Variants in CDK1 observed in about 807,000 individuals in gnomAD.
CDK1 encodes the protein cyclin dependent kinase 1.
CDK1 carries 5 observed loss-of-function variants against 34.6 expected under a neutral mutation model. That is an observed-to-expected ratio of 0.14 (90% CI 0.08 to 0.30). The LOEUF is 0.30. Among genes scored for constraint, CDK1 ranks in the 10% least tolerant of loss-of-function variants. The pLI, the probability that CDK1 is intolerant of heterozygous loss-of-function variation, is 1.00. For missense variants in CDK1, 157 were observed against 345.7 expected (o/e 0.45, Z 4.33); for synonymous variants, 108 against 114.7 (o/e 0.94, Z 0.37).
rs1428075929 is a variant in CDK1, at chr10:60,794,089, C to T, written c.*114C>T. The T allele has an allele frequency of 3.6e-6, 2 of 552,870 alleles. No individual in the cohort carries two copies. Among genetic ancestry groups the T allele is most frequent in the African/African-American group, 4.0e-5 (2 of 49,934 alleles). 34.2% of individuals were successfully genotyped at this position (552,870 alleles called of 1,614,324 possible). A position where few individuals can be genotyped will look rare whatever the true frequency, so the allele number is the denominator to read the frequency against. On this transcript the variant is annotated 3_prime_UTR_variant, in exon 8 of 8. Transcript: ENST00000395284. Reference sequence around the variant, plus strand: ...TCTTTGTTATCAAACTTCAGCTGTACTTCGTCTTCTAATTTCAAAAATATA... The same window carrying T: ...TCTTTGTTATCAAACTTCAGCTGTATTTCGTCTTCTAATTTCAAAAATATA...
chr10:60,785,239 T>G (rs995050462), intron 3 of CDK1, among the ~76,000 whole-genome samples: 1 of 152,180 alleles, frequency 6.6e-6, no homozygotes, highest in African/African-American at 2.4e-5. Context: ...TTTTTTTCCT[T>G]AAAGTATTTG....
At position 60,794,798 on chromosome 10, in the gene CDK1, A is replaced by G. The variant is rs2080387099; in HGVS notation, c.*823A>G. The G allele has an allele frequency of 3.9e-5, 6 of 152,182 alleles. No homozygotes were observed. 9.4% of individuals were successfully genotyped at this position (152,182 alleles called of 1,614,324 possible). A position where few individuals can be genotyped will look rare whatever the true frequency, so the allele number is the denominator to read the frequency against. On this transcript the variant is annotated 3_prime_UTR_variant, in exon 8 of 8. Transcript: ENST00000395284. ...ATTAGCAGCCATCTAAAAAGGCTCT[A>G]ATGTATATTTAACTAAAATTACTAG... is the stretch of plus-strand genomic sequence containing the variant.
intron 5 of CDK1, among the ~76,000 whole-genome samples, chr10:60,789,707 T>C (rs1461783397): frequency 6.6e-6 from 1 of 152,194 alleles, no homozygotes. Context: ...TCAATAAACA[T>C]GGGAGTGCAG....
At chr10:60,791,191 T>C (rs1413611079) in intron 5 of CDK1, among the ~76,000 whole-genome samples, 1 of 152,122 alleles carries the variant, frequency 6.6e-6, no homozygotes, top group East Asian at 1.9e-4. Flanking sequence ...TTCCTAAATT[T>C]TTTTCTTCAA....
At chr10:60,791,025 C>G (rs1437449093) in intron 5 of CDK1, among the ~76,000 whole-genome samples, 1 of 151,902 alleles carries the variant, frequency 6.6e-6, no homozygotes, top group Admixed American at 6.6e-5. Context: ...TTTTTTGGTT[C>G]TATATGAATT....
intron 2 of CDK1, among the ~76,000 whole-genome samples, chr10:60,784,372 G>A (rs1189859309): frequency 6.6e-6 from 1 of 152,160 alleles, no homozygotes; most frequent in Non-Finnish European, 1.5e-5. Context: ...GCTCACGCCT[G>A]TAATCTCAGC....
intron 1 of CDK1, 47 bp from the exon 2 acceptor site, chr10:60,780,094 A>C: frequency 2.3e-6 from 2 of 863,980 alleles, no homozygotes; most frequent in Non-Finnish European, 4.0e-6. Flanking sequence ...GCTTAAAACT[A>C]CTCGAGTTAG....
At chr10:60,780,423 T>C (rs984789952) in intron 2 of CDK1, among the ~76,000 whole-genome samples, 5 of 152,310 alleles carry the variant, frequency 3.3e-5, no homozygotes, top group South Asian at 2.1e-4. Flanking sequence ...CTCACCCCCA[T>C]AGTCTTACAG....
Position 60,793,895 on chromosome 10 carries a change from C to G in CDK1, c.814C>G (p.Pro272Ala). The G allele has an allele frequency of 6.5e-7, 1 of 1,541,720 alleles. No individual in the cohort carries two copies. Among genetic ancestry groups the G allele is most frequent in the Non-Finnish European group, 8.8e-7 (1 of 1,139,028 alleles). ...CTCCCAGAAAATGTTAATCTATGAT[C>G]CAGCCAAACGAATTTCTGGCAAAAT... ...DLLSKMLIYD[P>A]AKRISGKMAL... Residue 272 changes from proline to alanine, a missense_variant, in exon 8 of 8, where the codon CCA (proline) becomes GCA (alanine). Transcript: ENST00000395284.
At chr10:60,792,407 T>C (rs1022198744) in intron 7 of CDK1, 118 bp downstream of exon 7, 1 of 860,624 alleles carries the variant, frequency 1.2e-6, no homozygotes, top group Non-Finnish European at 1.8e-6. Context: ...GTGTCTGTTA[T>C]GTACATTGTA....
rs144445383 is a variant in CDK1, at chr10:60,785,739, C to T, written c.270C>T (p.Tyr90=). 2 of 1,608,282 alleles carry T rather than the reference C, an allele frequency of 1.2e-6. No individual in the cohort carries two copies. Among genetic ancestry groups the T allele is most frequent in the South Asian group, 1.1e-5 (1 of 90,710 alleles). ...TTCTTTCCATGGATCTGAAGAAATA[C>T]TTGGATTCTATCCCTCCTGGTCAGT... The part of the protein sequence containing the change: ...FEFLSMDLKK[Y]LDSIPPGQYM... Residue 90 remains tyrosine, a synonymous_variant, in exon 4 of 8, where the codon TAC becomes TAT. Coordinates refer to ENST00000395284, the MANE Select transcript of CDK1 (RefSeq NM_001786.5).
chr10:60,789,380 ATC>A (rs2080339967), intron 5 of CDK1, among the ~76,000 whole-genome samples: 1 of 152,144 alleles, frequency 6.6e-6, no homozygotes, highest in Non-Finnish European at 1.5e-5. Context: ...AAACCAACTT[ATC>A]TCTGTCTTCC....
At chr10:60,790,542 T>A (rs1156926833) in intron 5 of CDK1, among the ~76,000 whole-genome samples, 2 of 152,242 alleles carry the variant, frequency 1.3e-5, no homozygotes, top group Admixed American at 1.3e-4. Context: ...CTGCTGCACC[T>A]GGCCTCATTT....
intron 3 of CDK1, 22 bp from the exon 4 acceptor site, chr10:60,785,642 C>G: frequency 6.7e-7 from 1 of 1,484,832 alleles, no homozygotes; most frequent in South Asian, 1.3e-5. Flanking sequence ...GGATTCTTCT[C>G]TCATATATTT....
intron 3 of CDK1, 143 bp from the exon 4 acceptor site, chr10:60,785,521 T>G: frequency 1.8e-6 from 1 of 566,654 alleles, no homozygotes; most frequent in African/African-American, 1.9e-5. Context: ...AAATTTGAGT[T>G]TTGAGTCTCT....
At chr10:60,779,674 C>T (rs1291426936) in intron 1 of CDK1, among the ~76,000 whole-genome samples, 1 of 152,156 alleles carries the variant, frequency 6.6e-6, no homozygotes, top group Non-Finnish European at 1.5e-5. Flanking sequence ...TCCTAATGAA[C>T]AGTCTGAACA....
intron 1 of CDK1, 73 bp from the exon 2 acceptor site, chr10:60,780,068 A>G (rs888455652): frequency 2.7e-6 from 2 of 747,904 alleles, no homozygotes; most frequent in African/African-American, 1.7e-5. Context: ...TGCTTTACAT[A>G]TAGTGTTTCA....
At chr10:60,793,717 G>C (rs2080377397) in intron 7 of CDK1, among the ~76,000 whole-genome samples, 160 bp from the exon 8 acceptor site, 1 of 152,014 alleles carries the variant, frequency 6.6e-6, no homozygotes, top group African/African-American at 2.4e-5. Context: ...TGTAGGGGAG[G>C]AGACATTTGT....
intron 7 of CDK1, among the ~76,000 whole-genome samples, chr10:60,793,565 A>G (rs1374300091): frequency 6.6e-6 from 1 of 152,050 alleles, no homozygotes; most frequent in Non-Finnish European, 1.5e-5. Context: ...AATATAATTA[A>G]CTAGACGTCT....
Sources: allele counts gnomAD v4.1 joint callset (sites outside exome capture counted in the v4.1 genomes callset), GRCh38; gene constraint gnomAD v4.1.1; transcripts MANE v1.5; gene names NCBI Gene and HGNC (gene_info 2026-07-23, HGNC 2026-07-21).